Variants in DMXL2 observed in about 807,000 individuals in gnomAD.
DMXL2 encodes Dmx like 2, also known as dmX-like protein 2.
A neutral mutation model predicts 331.1 loss-of-function variants in DMXL2; 103 were observed. The ratio of observed to expected loss-of-function variants is 0.31; its 90% CI spans 0.27 to 0.37. The LOEUF (loss-of-function observed/expected upper bound fraction) is 0.37. Ranked by LOEUF, DMXL2 falls within the 10% of genes least tolerant of loss-of-function variation. The pLI is 1.00. For synonymous variants in DMXL2, 1,281 were observed against 1,252.1 expected, an observed-to-expected ratio of 1.02 and a Z score of -0.49; for missense variants, 3,171 against 3,642.9, an observed-to-expected ratio of 0.87 and a Z score of 3.33.
intron 9 of DMXL2, among the ~76,000 whole-genome samples, chr15:51,540,158 T>C (rs2048507651): frequency 6.6e-6 from 1 of 152,178 alleles, no homozygotes; most frequent in East Asian, 1.9e-4. Flanking sequence ...GTGAGACATT[T>C]TGAAAGAAAA....
At chr15:51,478,922 T>TA (rs150706643) in intron 25 of DMXL2, among the ~76,000 whole-genome samples, 68,267 of 150,420 alleles carry the variant, frequency 0.45, 15,825 homozygotes, top group Non-Finnish European at 0.5. Flanking sequence ...TCCATATAAT[T>TA]AAAAAAAAAC....
At chr15:51,517,900 A>C (rs1439376946) in intron 13 of DMXL2, among the ~76,000 whole-genome samples, 3 of 152,238 alleles carry the variant, frequency 2.0e-5, no homozygotes, top group African/African-American at 7.2e-5. Context: ...GTAGGATTCC[A>C]GAGAGCATGT....
intron 1 of DMXL2, among the ~76,000 whole-genome samples, chr15:51,611,517 T>C (rs1317681695): frequency 6.6e-6 from 1 of 152,192 alleles, no homozygotes; most frequent in African/African-American, 2.4e-5. Context: ...GATTGTGCCA[T>C]TATAAATGAT....
intron 1 of DMXL2, among the ~76,000 whole-genome samples, chr15:51,604,220 T>G (rs567280637): frequency 1.3e-4 from 19 of 151,154 alleles, no homozygotes; most frequent in African/African-American, 4.6e-4. Flanking sequence ...TGATAATAAC[T>G]TTCAGCAAAC....
chr15:51,574,192 T>G (rs1256542320), intron 2 of DMXL2, among the ~76,000 whole-genome samples: 1 of 152,012 alleles, frequency 6.6e-6, no homozygotes, highest in Non-Finnish European at 1.5e-5. Context: ...AGCAAGAAAT[T>G]TAGGGACCAG....
intron 18 of DMXL2, among the ~76,000 whole-genome samples, chr15:51,497,792 T>C (rs2043286617): frequency 6.6e-6 from 1 of 152,202 alleles, no homozygotes; most frequent in Non-Finnish European, 1.5e-5. Flanking sequence ...AATTAGGTAA[T>C]TGTAAAAAGT....
intron 6 of DMXL2, among the ~76,000 whole-genome samples, chr15:51,558,374 C>T (rs1296729164): frequency 1.3e-5 from 2 of 151,980 alleles, no homozygotes; most frequent in Middle Eastern, 3.2e-3. Context: ...AACTAAGACC[C>T]AAAGGCATCA....
chr15:51,530,192 A>G (rs983019280), intron 13 of DMXL2, among the ~76,000 whole-genome samples: 17 of 152,142 alleles, frequency 1.1e-4, no homozygotes, highest in African/African-American at 4.1e-4. Context: ...GCTCACTTTC[A>G]CCACTGTTAT....
At chr15:51,456,045 C>G (rs201262141) in intron 39 of DMXL2, 21 bp downstream of exon 39, 1 of 1,612,436 alleles carries the variant, frequency 6.2e-7, no homozygotes, top group Non-Finnish European at 8.5e-7. Context: ...ATGAATTCAG[C>G]AGTAGCCCCC....
chr15:51,555,355 AGG>A (rs2049493894), intron 6 of DMXL2, among the ~76,000 whole-genome samples: 1 of 152,190 alleles, frequency 6.6e-6, no homozygotes, highest in Non-Finnish European at 1.5e-5. Flanking sequence ...GTGAGCCATC[AGG>A]GAGTAGATTG....
intron 36 of DMXL2, among the ~76,000 whole-genome samples, chr15:51,458,222 G>C (rs1250340152): frequency 1.3e-5 from 2 of 152,208 alleles, no homozygotes; most frequent in Admixed American, 6.5e-5. Context: ...TGTGTCTACT[G>C]TTTTAATTAT....
In DMXL2 at chr15:51,536,547, T is replaced by G. The variant is rs750175630; in HGVS notation, c.1933A>C (p.Arg645=). 2 of 1,613,914 alleles carry G rather than the reference T, an allele frequency of 1.2e-6. No individual in the cohort carries two copies. Among genetic ancestry groups the G allele is most frequent in the South Asian group, 2.2e-5 (2 of 91,048 alleles). ...TTVLTVSHKF[R]YCGHRFHLND... is the part of the protein sequence containing the mutation. ...AGGTGAAATCGATGACCGCAATATC[T>G]AAATTTGTGAGATACAGTTAGAACA... is the stretch of plus-strand genomic sequence containing the variant. The change falls in exon 12 of 44, where the codon AGA becomes CGA. Residue 645 remains arginine (R), a synonymous_variant. Transcript: ENST00000560891.
At chr15:51,555,157 C>CA (rs909590130) in intron 6 of DMXL2, among the ~76,000 whole-genome samples, 2 of 151,932 alleles carry the variant, frequency 1.3e-5, no homozygotes, top group South Asian at 2.1e-4. Flanking sequence ...GACTCTGTCT[C>CA]AAAAAAACAA....
At chr15:51,545,154 A>G (rs961229167) in intron 8 of DMXL2, among the ~76,000 whole-genome samples, 1 of 152,140 alleles carries the variant, frequency 6.6e-6, no homozygotes, top group Admixed American at 6.5e-5. Context: ...ATTCTTAAGG[A>G]ACAAAATAGT....
chr15:51,456,259 A>G lies in DMXL2; in HGVS notation c.8398+50T>C, dbSNP rs776189127. On this transcript the variant is annotated intron_variant, in intron 38 of 43. Coordinates refer to ENST00000560891, the MANE Select transcript of DMXL2 (RefSeq NM_001378457.1). ...AGTTCCAATATTTTCTATTCTATAA[A>G]TCAACCTCCAAATGAGGACACTTAC... 4 of 1,598,746 alleles carry G rather than the reference A, an allele frequency of 2.5e-6. No individual in the cohort carries two copies. In the Admixed American group the frequency reaches 5.4e-5, roughly 21 times the overall value.
At chr15:51,459,718 G>A in intron 33 of DMXL2, 58 bp from the exon 34 acceptor site, 2 of 1,283,524 alleles carry the variant, frequency 1.6e-6, no homozygotes, top group Non-Finnish European at 2.0e-6. Context: ...AAATTATAAA[G>A]ACAGTGAAAT....
chr15:51,578,228 C>A lies in DMXL2; in HGVS notation c.88-2047G>T, dbSNP rs183354979. 3.3e-3 allele frequency among the ~76,000 whole-genome samples: 500 copies of A among 152,234 alleles called. 4 individuals carry two copies. Among genetic ancestry groups the A allele is most frequent in the African/African-American group, 0.011 (468 of 41,536 alleles). The stretch of plus-strand genomic sequence containing the variant: ...TGCCCAAGATTACTGTTACTAAATG[C>A]AAAGTGTTCAAACTCAGGTCCTTAC... On this transcript the variant is annotated intron_variant, in intron 1 of 43. Transcript: ENST00000560891.
chr15:51,563,520 G>T, intron 5 of DMXL2, 73 bp from the exon 6 acceptor site: 1 of 1,018,712 alleles, frequency 9.8e-7, no homozygotes, highest in Non-Finnish European at 1.4e-6. Flanking sequence ...GTCAAGATGA[G>T]ATTTTTGTAA....
intron 17 of DMXL2, among the ~76,000 whole-genome samples, chr15:51,502,203 A>G (rs1206560298): frequency 6.7e-6 from 1 of 150,054 alleles, no homozygotes; most frequent in Non-Finnish European, 1.5e-5. Context: ...ACTGCATTCC[A>G]GCCTGGGCGA....
Sources: gnomAD v4.1 joint callset for allele counts (sites outside exome capture counted in the v4.1 genomes callset) on GRCh38, gnomAD v4.1.1 for gene constraint, MANE v1.5 for transcripts, NCBI Gene and HGNC (gene_info 2026-07-23, HGNC 2026-07-21) for gene names.